Variants in ARFGEF3 observed in about 807,000 individuals in gnomAD.
ARFGEF3 encodes the protein brefeldin A-inhibited guanine nucleotide-exchange protein 3.
A neutral mutation model predicts 221.7 loss-of-function variants in ARFGEF3; 96 were observed. The ratio of observed to expected loss-of-function variants is 0.43; its 90% CI spans 0.37 to 0.51. The LOEUF (loss-of-function observed/expected upper bound fraction) is 0.51, where lower values mean the gene tolerates loss of function less well. Among genes scored for constraint, ARFGEF3 ranks in the 20% least tolerant of loss-of-function variants. The pLI is 0.00. For missense variants in ARFGEF3, 2,410 were observed against 2,789.9 expected, an observed-to-expected ratio of 0.86 and a Z score of 3.07; for synonymous variants, 1,145 against 1,126.8, an observed-to-expected ratio of 1.02 and a Z score of -0.32.
intron 12 of ARFGEF3, among the ~76,000 whole-genome samples, chr6:138,271,991 G>T (rs1779011152): frequency 6.6e-6 from 1 of 152,104 alleles, no homozygotes; most frequent in Non-Finnish European, 1.5e-5. Flanking sequence ...AACCATGGTG[G>T]CTGAAAAACT....
chr6:138,308,126 A>G (rs1178975171), intron 23 of ARFGEF3, among the ~76,000 whole-genome samples: 2 of 152,198 alleles, frequency 1.3e-5, no homozygotes, highest in East Asian at 3.9e-4. Flanking sequence ...CTGGCCACTT[A>G]CATACCCTTT....
chr6:138,198,547 G>T, intron 2 of ARFGEF3, among the ~76,000 whole-genome samples: 1 of 152,104 alleles, frequency 6.6e-6, no homozygotes, highest in Non-Finnish European at 1.5e-5. Flanking sequence ...TAAATGTAAA[G>T]GACCCATATT....
At chr6:138,265,307 A>G (rs1207422622) in intron 12 of ARFGEF3, among the ~76,000 whole-genome samples, 3 of 152,242 alleles carry the variant, frequency 2.0e-5, no homozygotes, top group South Asian at 4.1e-4. Flanking sequence ...AAGGATGTAA[A>G]GAGACATGAT....
chr6:138,222,174 T>C (rs1279239508), intron 4 of ARFGEF3, among the ~76,000 whole-genome samples: 5 of 152,196 alleles, frequency 3.3e-5, no homozygotes, highest in Non-Finnish European at 7.3e-5. Context: ...TCCAATCTTT[T>C]AGCTTCCCTG....
At chr6:138,184,947 G>A (rs1186643373) in intron 2 of ARFGEF3, among the ~76,000 whole-genome samples, 10 of 152,156 alleles carry the variant, frequency 6.6e-5, no homozygotes, top group African/African-American at 2.2e-4. Context: ...AGTTTAGGGG[G>A]TAATTATTTG....
Position 138,298,717 on chromosome 6 carries a change from G to A in ARFGEF3, c.3760G>A (p.Glu1254Lys). The A allele has an allele frequency of 1.2e-6, 2 of 1,613,600 alleles. No individual in the cohort carries two copies. The highest frequency in any genetic ancestry group is 1.7e-6 in the Non-Finnish European group (2 of 1,179,758). Residue 1254 changes from glutamate (E) to lysine (K), a missense_variant, in exon 22 of 34, where the codon GAA (glutamate) becomes AAA (lysine). By Grantham distance (56) the Glu-to-Lys change is moderately conservative (BLOSUM62 1). This residue lies in a region of ARFGEF3 where 723 missense variants were observed against 991.9 expected (regional missense o/e 0.73). Transcript: ENST00000251691. Reference protein sequence around the residue: ...WNEPPHFHFNEALFRPFERIM... With the variant: ...WNEPPHFHFNKALFRPFERIM... ...TGAGCCACCTCATTTTCACTTCAATGAAGCACTCTTCCGACCTTTCGAGCG... is the reference window on the plus strand; with the variant it reads ...TGAGCCACCTCATTTTCACTTCAATAAAGCACTCTTCCGACCTTTCGAGCG...
chr6:138,312,969 C>T (rs192784664), intron 25 of ARFGEF3, among the ~76,000 whole-genome samples: 1 of 152,324 alleles, frequency 6.6e-6, no homozygotes, highest in East Asian at 1.9e-4. Context: ...CTCGGCCTCC[C>T]AAAGTGCTAG....
At chr6:138,227,780 C>T (rs941031089) in intron 4 of ARFGEF3, among the ~76,000 whole-genome samples, 1 of 152,170 alleles carries the variant, frequency 6.6e-6, no homozygotes, top group African/African-American at 2.4e-5. Flanking sequence ...ATTTATGAGA[C>T]TGATGTCTGC....
intron 17 of ARFGEF3, among the ~76,000 whole-genome samples, chr6:138,287,649 C>T (rs1005806317): frequency 2.6e-5 from 4 of 152,120 alleles, no homozygotes; most frequent in Non-Finnish European, 5.9e-5. Context: ...TTTGTGAACT[C>T]GAGAAATGGC....
rs752519663 is a variant in ARFGEF3 at position 138,218,107 on chromosome 6, A to G, written c.351+8066A>G. 4 of 1,613,974 alleles carry G rather than the reference A, an allele frequency of 2.5e-6. No homozygotes were observed. In the Admixed American group the frequency reaches 5.0e-5, roughly 20 times the overall value. On this transcript the variant is annotated intron_variant, in intron 4 of 33. Coordinates refer to ENST00000251691, the MANE Select transcript of ARFGEF3 (RefSeq NM_020340.5). ...ATGGCTTCTGAAGATAATGAGGAACATTTCATTGAGGAACCTTTCATGGTC... is the reference window on the plus strand; with the variant it reads ...ATGGCTTCTGAAGATAATGAGGAACGTTTCATTGAGGAACCTTTCATGGTC...
chr6:138,212,649 G>T (rs1180676141), intron 4 of ARFGEF3, among the ~76,000 whole-genome samples: 1 of 152,154 alleles, frequency 6.6e-6, no homozygotes, highest in Non-Finnish European at 1.5e-5. Context: ...ATGATAGACT[G>T]GATTAAGAAA....
intron 2 of ARFGEF3, among the ~76,000 whole-genome samples, chr6:138,198,553 A>ATAT (rs1777474757): frequency 6.6e-6 from 1 of 152,236 alleles, no homozygotes; most frequent in Non-Finnish European, 1.5e-5. Context: ...TAAAGGACCC[A>ATAT]TATTCATTAA....
At chr6:138,193,892 A>G (rs1357565780) in intron 2 of ARFGEF3, among the ~76,000 whole-genome samples, 1 of 152,152 alleles carries the variant, frequency 6.6e-6, no homozygotes, top group Non-Finnish European at 1.5e-5. Context: ...CTTTTGTAGC[A>G]TAGATGTTTC....
At chr6:138,227,836 G>A (rs1778115025) in intron 4 of ARFGEF3, among the ~76,000 whole-genome samples, 1 of 152,214 alleles carries the variant, frequency 6.6e-6, no homozygotes, top group South Asian at 2.1e-4. Flanking sequence ...GTACTTTAGA[G>A]AGGGGGATCT....
chr6:138,296,970 G>A lies in ARFGEF3; in HGVS notation c.3648+15G>A, dbSNP rs1430334890. On this transcript the variant is annotated intron_variant, in intron 21 of 33. Transcript: ENST00000251691. ...ACCTGGTGGAGGTGAGCACTGGGAA[G>A]GTGGGAAGAGGCTGGAACTGCTAAG... The A allele has an allele frequency of 5.6e-6, 9 of 1,605,018 alleles. No individual in the cohort carries two copies. Among genetic ancestry groups the A allele is most frequent in the South Asian group, 1.1e-5 (1 of 89,376 alleles).
At chr6:138,260,243 T>C (rs1455133565) in intron 10 of ARFGEF3, among the ~76,000 whole-genome samples, 1 of 152,194 alleles carries the variant, frequency 6.6e-6, no homozygotes, top group Non-Finnish European at 1.5e-5. Context: ...AAGTGTTCAA[T>C]TTCTGTGGTA....
At chr6:138,282,439 AG>A (rs2114622467) in intron 14 of ARFGEF3, among the ~76,000 whole-genome samples, 1 of 152,338 alleles carries the variant, frequency 6.6e-6, no homozygotes, top group Admixed American at 6.5e-5. Context: ...TGTTGTCCAA[AG>A]GGCATGTTAT....
chr6:138,253,269 T>C (rs1193572866), intron 8 of ARFGEF3, among the ~76,000 whole-genome samples: 1 of 152,040 alleles, frequency 6.6e-6, no homozygotes, highest in Non-Finnish European at 1.5e-5. Context: ...CATGGTCAGT[T>C]TTTCTATAAA....
Position 138,292,003 on chromosome 6 carries a change from C to A in ARFGEF3, c.3318C>A (p.Ser1106Arg). 6.5e-7 allele frequency: 1 copy of A among 1,530,542 alleles called. No homozygotes were observed. The highest frequency in any genetic ancestry group is 8.7e-7 in the Non-Finnish European group (1 of 1,143,834). 94.8% of individuals were successfully genotyped at this position (1,530,542 alleles called of 1,614,324 possible). ...ACTTCCGCGGCGGGAGCCTCATGAGCGGGAGCAGCGCGGCCAAGGTGGTGC... is the reference window on the plus strand; with the variant it reads ...ACTTCCGCGGCGGGAGCCTCATGAGAGGGAGCAGCGCGGCCAAGGTGGTGC... ...ASDFRGGSLM[S>R]GSSAAKVVLT... Residue 1106 changes from serine to arginine, a missense_variant, in exon 19 of 34, where the codon AGC becomes AGA. Physicochemically the swap from Ser to Arg is moderately radical, Grantham distance 110. This residue lies in a region of ARFGEF3 where 184 missense variants were observed against 141.8 expected (regional missense o/e 1.30). Transcript: ENST00000251691.
Sources: allele counts gnomAD v4.1 joint callset (sites outside exome capture counted in the v4.1 genomes callset), GRCh38; gene constraint gnomAD v4.1.1; regional missense constraint gnomAD v4.1.1; transcripts MANE v1.5; gene names NCBI Gene and HGNC (gene_info 2026-07-23, HGNC 2026-07-21).